Variants in MAST3 observed in about 807,000 individuals in gnomAD.
MAST3 encodes the protein microtubule-associated serine/threonine-protein kinase 3.
In MAST3, 43 loss-of-function variants were observed where a neutral mutation model predicts 127.0. The ratio of observed to expected loss-of-function variants is 0.34; its 90% CI spans 0.27 to 0.44. MAST3 has a LOEUF of 0.44. MAST3 is among the 20% of genes least tolerant of loss of function. MAST3 has a pLI of 1.00. For missense variants in MAST3, 1,390 were observed against 1,919.1 expected (o/e 0.72, Z 5.15); for synonymous variants, 785 against 809.2 (o/e 0.97, Z 0.51).
Position 18,110,316 on chromosome 19 carries a change from C to A in MAST3, c.72-336C>A. The A allele has an allele frequency of 7.1e-6, 7 of 985,526 alleles. No homozygotes were observed. Among genetic ancestry groups the A allele is most frequent in the Non-Finnish European group, 8.4e-6 (7 of 829,978 alleles). The allele number at this position is 985,526 out of a possible 1,614,324, so 61.0% of individuals were successfully genotyped here. A position where few individuals can be genotyped will look rare whatever the true frequency, so the allele number is the denominator to read the frequency against. On this transcript the variant is annotated intron_variant, in intron 2 of 27. Transcript: ENST00000687212. This position sits in a 1 kb window ranked among gnomAD's most constrained non-coding sequence, Gnocchi z 4.3. ...CGCCGCACAGAGGCGGCCTCTGCCT[C>A]GGCATGAAGTCCCGCAGGGACAAGC... is the stretch of plus-strand genomic sequence containing the variant.
In MAST3 at chr19:18,132,174, T is replaced by C. The variant is rs980009423; in HGVS notation, c.1571+127T>C. The C allele has an allele frequency of 3.9e-6, 5 of 1,298,354 alleles. No homozygotes were observed. In the Admixed American group the frequency reaches 1.2e-4, roughly 32 times the overall value. The allele number at this position is 1,298,354 out of a possible 1,614,324, so 80.4% of individuals were successfully genotyped here. On this transcript the variant is annotated intron_variant, in intron 15 of 27. Transcript: ENST00000687212. ...CGGGACCCTTCAGGAGCCCCATCTG[T>C]CTGAGCTCTGTTGGTACCTCCTGAC...
chr19:18,104,035 A>G (rs189592202), intron 1 of MAST3, among the ~76,000 whole-genome samples: 52 of 152,100 alleles, frequency 3.4e-4, no homozygotes, highest in African/African-American at 1.2e-3. Flanking sequence ...AACATGGTGA[A>G]ACCTCATCTC....
At chr19:18,116,323 G>C (rs987533081) in intron 3 of MAST3, among the ~76,000 whole-genome samples, 1 of 148,326 alleles carries the variant, frequency 6.7e-6, no homozygotes, top group East Asian at 2.0e-4. Context: ...ACAGAGTTTC[G>C]CTCTTGTTGC....
intron 3 of MAST3, 142 bp from the exon 4 acceptor site, chr19:18,121,543 C>A (rs771926440): frequency 1.5e-5 from 11 of 713,680 alleles, no homozygotes; most frequent in Admixed American, 2.5e-5. Flanking sequence ...ATGGGGGAAC[C>A]CAGCTGGGGG....
intron 14 of MAST3, 41 bp from the exon 15 acceptor site, chr19:18,131,868 G>T: frequency 6.8e-7 from 1 of 1,476,394 alleles, no homozygotes; most frequent in Non-Finnish European, 9.2e-7. Context: ...CGGGGGGCGG[G>T]GGTGCCCCGG....
chr19:18,127,769 G>T (rs987144192), intron 11 of MAST3, among the ~76,000 whole-genome samples: 5 of 152,202 alleles, frequency 3.3e-5, no homozygotes, highest in African/African-American at 1.2e-4. Flanking sequence ...TGAGACAGGA[G>T]AAGCACTTGA....
At chr19:18,121,383 C>T (rs2039963050) in intron 3 of MAST3, among the ~76,000 whole-genome samples, 1 of 152,218 alleles carries the variant, frequency 6.6e-6, no homozygotes, top group Non-Finnish European at 1.5e-5. Flanking sequence ...TCTTGAACTC[C>T]TGGCTTCAGA....
At chr19:18,104,769 C>T (rs1435322813) in intron 1 of MAST3, among the ~76,000 whole-genome samples, 2 of 152,148 alleles carry the variant, frequency 1.3e-5, no homozygotes, top group African/African-American at 4.8e-5. Flanking sequence ...ACAGCCCCTG[C>T]CCGCGGTTCG....
Position 18,149,763 on chromosome 19 carries a change from C to T in MAST3, c.*37C>T, listed in dbSNP as rs751489087. On this transcript the variant is annotated 3_prime_UTR_variant, in exon 28 of 28. Transcript: ENST00000687212. The surrounding 1 kb of genome is among the most constrained non-coding windows in gnomAD (Gnocchi z 5.9). ...GTCTCTCCCTGGCATCAAAGTTACG[C>T]GTTTTCTTGTGCAATGTTTTTTCCG... 7 of 1,605,872 alleles carry T rather than the reference C, an allele frequency of 4.4e-6. No homozygotes were observed. Among genetic ancestry groups the T allele is most frequent in the African/African-American group, 4.0e-5 (3 of 74,810 alleles).
At chr19:18,128,741 TGGA>T (rs2040934082) in intron 12 of MAST3, 122 bp from the exon 13 acceptor site, 1 of 750,230 alleles carries the variant, frequency 1.3e-6, no homozygotes, top group Admixed American at 2.4e-5. Context: ...GAAGCTGAGT[TGGA>T]GAAGTTTGGA....
intron 1 of MAST3, among the ~76,000 whole-genome samples, chr19:18,103,856 A>AC (rs893846222): frequency 2.0e-5 from 3 of 151,694 alleles, no homozygotes; most frequent in Admixed American, 6.6e-5. Context: ...TGCAAGTGGG[A>AC]CCCCCCACCA....
At chr19:18,136,257 G>A (rs956412067) in intron 18 of MAST3, among the ~76,000 whole-genome samples, 9 of 152,162 alleles carry the variant, frequency 5.9e-5, no homozygotes, top group Non-Finnish European at 8.8e-5. Context: ...TATGGGAGAC[G>A]GTTGGGTCCA....
At chr19:18,130,223 A>G (rs981183900) in intron 13 of MAST3, among the ~76,000 whole-genome samples, 18 of 152,196 alleles carry the variant, frequency 1.2e-4, no homozygotes, top group African/African-American at 3.9e-4. Flanking sequence ...CTCAAAAAAC[A>G]TAAGATAAAA....
chr19:18,101,672 C>T (rs1204653155), intron 1 of MAST3, among the ~76,000 whole-genome samples: 1 of 152,080 alleles, frequency 6.6e-6, no homozygotes, highest in Non-Finnish European at 1.5e-5. Context: ...GCCCTGTCGC[C>T]CAGGCTGGAG....
chr19:18,145,847 C>T lies in MAST3; in HGVS notation c.3144C>T (p.Val1048=), dbSNP rs757395701. 38 of 1,597,204 alleles carry T rather than the reference C, an allele frequency of 2.4e-5. 1 individual carries two copies. The highest frequency in any genetic ancestry group is 1.8e-4 in the South Asian group (16 of 88,778). The stretch of plus-strand genomic sequence containing the variant: ...TGCTGGGGCTGGTGCACATGGACGT[C>T]GTGGAGCTGCTGCTGAAGGTGCGGC... ...ESVLGLVHMD[V]VELLLKSGNK... The change falls in exon 25 of 28, where the codon GTC becomes GTT. Residue 1048 remains valine (V), a synonymous_variant. Coordinates refer to ENST00000687212, the MANE Select transcript of MAST3 (RefSeq NM_001393504.1). This position sits in a 1 kb window ranked among gnomAD's most constrained non-coding sequence, Gnocchi z 5.9.
Position 18,124,043 on chromosome 19 carries a change from G to A in MAST3, c.738G>A (p.Gln246=), listed in dbSNP as rs1568570682. ...GCGTCTTGGGCTTCATCCACCACCA[G>A]ATCGTCGAGCTGGCCCGAGACTGCT... ...ADGVLGFIHH[Q]IVELARDCLA... is the part of the protein sequence containing the mutation. The change falls in exon 9 of 28, where the codon CAG becomes CAA. Residue 246 remains glutamine (Q), a synonymous_variant. Transcript: ENST00000687212. The A allele has an allele frequency of 6.2e-7, 1 of 1,606,132 alleles. No individual in the cohort carries two copies. Among genetic ancestry groups the A allele is most frequent in the South Asian group, 1.1e-5 (1 of 89,546 alleles).
At chr19:18,133,061 T>C (rs911837773) in intron 15 of MAST3, among the ~76,000 whole-genome samples, 6 of 150,654 alleles carry the variant, frequency 4.0e-5, no homozygotes, top group African/African-American at 1.5e-4. Flanking sequence ...ATCGTGCCAC[T>C]GCACCCAAGC....
rs772383847 is a variant in MAST3 at position 18,128,851 on chromosome 19, C to T, written c.1138-15C>T. ...CTGCAGCGGGGCAGGACCCTAAGCC[C>T]TTCCCATCCCCTAGAGCCGCGCCCT... On this transcript the variant is annotated splice_polypyrimidine_tract_variant and intron_variant, in intron 12 of 27. Transcript: ENST00000687212. The T allele has an allele frequency of 4.4e-5, 71 of 1,609,736 alleles. No individual in the cohort carries two copies. The highest frequency in any genetic ancestry group is 5.8e-5 in the Non-Finnish European group (68 of 1,177,714).
At chr19:18,109,468 G>A (rs2038330595) in intron 2 of MAST3, among the ~76,000 whole-genome samples, 1 of 152,142 alleles carries the variant, frequency 6.6e-6, no homozygotes, top group Non-Finnish European at 1.5e-5. Flanking sequence ...CTGGACCTTG[G>A]GGCAGGACAG....
Sources: gnomAD v4.1 joint callset for allele counts (sites outside exome capture counted in the v4.1 genomes callset) on GRCh38, gnomAD v4.1.1 for gene constraint, Gnocchi (gnomAD v3.1) non-coding constraint, MANE v1.5 for transcripts, NCBI Gene and HGNC (gene_info 2026-07-23, HGNC 2026-07-21) for gene names.